The following HTR1F variants were observed in gnomAD, a reference collection of about 807,000 sequenced individuals.
HTR1F encodes the protein 5-hydroxytryptamine receptor 1F, also known as 5-hydroxytryptamine (serotonin) receptor 1F, G protein-coupled.
HTR1F carries 17 observed loss-of-function variants against 24.0 expected under a neutral mutation model. The observed-to-expected ratio is 0.71, with a 90% CI of 0.48 to 1.06. The LOEUF is 1.06. Among genes scored for constraint, HTR1F ranks in the 50% least tolerant of loss-of-function variants. The pLI is 0.00. For missense variants in HTR1F, 391 were observed against 427.8 expected (o/e 0.91, Z 0.76); for synonymous variants, 186 against 156.8 (o/e 1.19, Z -1.39).
chr3:87,910,680 C>T (rs1703759377), intron 2 of HTR1F, among the ~76,000 whole-genome samples: 1 of 152,020 alleles, frequency 6.6e-6, no homozygotes, highest in Admixed American at 6.6e-5. Context: ...TTCTTCCCAT[C>T]ACTATATGGC....
chr3:87,990,656 GA>G (rs1465274474), intron 2 of HTR1F, 51 bp from the exon 3 acceptor site: 3 of 875,932 alleles, frequency 3.4e-6, no homozygotes, highest in Non-Finnish European at 5.3e-6. Flanking sequence ...GAAAGGAAGA[GA>G]AAAGTTCTTG....
At chr3:87,799,473 G>C (rs1183028345) in intron 1 of HTR1F, among the ~76,000 whole-genome samples, 1 of 152,104 alleles carries the variant, frequency 6.6e-6, no homozygotes, top group Non-Finnish European at 1.5e-5. Flanking sequence ...ATGATAAAAA[G>C]AATATAGCAA....
intron 2 of HTR1F, among the ~76,000 whole-genome samples, chr3:87,895,618 G>T (rs1023597035): frequency 3.3e-5 from 5 of 152,098 alleles, no homozygotes; most frequent in Admixed American, 3.3e-4. Context: ...GCAAGTTCAA[G>T]TTATAGTAGA....
chr3:87,858,099 A>G (rs1352680784), intron 2 of HTR1F, among the ~76,000 whole-genome samples: 3 of 152,190 alleles, frequency 2.0e-5, no homozygotes, highest in Non-Finnish European at 4.4e-5. Flanking sequence ...CTAGTCCCAC[A>G]AACTCAGGCC....
chr3:87,951,790 G>A (rs925547186), intron 2 of HTR1F, among the ~76,000 whole-genome samples: 6 of 151,908 alleles, frequency 3.9e-5, no homozygotes, highest in African/African-American at 9.7e-5. Context: ...ATCATACAGA[G>A]TAGTTTCACT....
chr3:87,855,046 C>T (rs1210381016), intron 2 of HTR1F, among the ~76,000 whole-genome samples: 5 of 152,002 alleles, frequency 3.3e-5, no homozygotes, highest in Non-Finnish European at 7.4e-5. Flanking sequence ...CTTCCCCCCA[C>T]TTAGACATGA....
intron 2 of HTR1F, among the ~76,000 whole-genome samples, chr3:87,924,751 T>C (rs1186434897): frequency 6.6e-6 from 1 of 152,114 alleles, no homozygotes; most frequent in Non-Finnish European, 1.5e-5. Flanking sequence ...CTAATGAGGG[T>C]TCCTTCATAC....
At chr3:87,830,738 TAGAG>T (rs1184212324) in intron 2 of HTR1F, among the ~76,000 whole-genome samples, 1 of 152,198 alleles carries the variant, frequency 6.6e-6, no homozygotes, top group African/African-American at 2.4e-5. Context: ...TGTGTAGAAT[TAGAG>T]AGCTCTAACT....
chr3:87,962,624 T>A (rs1281360252), intron 2 of HTR1F, among the ~76,000 whole-genome samples: 2 of 152,066 alleles, frequency 1.3e-5, no homozygotes, highest in Non-Finnish European at 2.9e-5. Context: ...ATTAGCAGGA[T>A]ATGAAGTAAT....
At chr3:87,811,981 C>T in intron 1 of HTR1F, among the ~76,000 whole-genome samples, 1 of 152,110 alleles carries the variant, frequency 6.6e-6, no homozygotes, top group East Asian at 1.9e-4. Flanking sequence ...GCACTCTCAC[C>T]TGCCACCATG....
chr3:87,866,066 TA>T (rs1705420707), intron 2 of HTR1F, among the ~76,000 whole-genome samples: 1 of 152,188 alleles, frequency 6.6e-6, no homozygotes, highest in Non-Finnish European at 1.5e-5. Flanking sequence ...CTAGCCTCCT[TA>T]ACCCAGACAT....
At chr3:87,812,039 G>T (rs1298970989) in intron 1 of HTR1F, among the ~76,000 whole-genome samples, 1 of 152,116 alleles carries the variant, frequency 6.6e-6, no homozygotes, top group Non-Finnish European at 1.5e-5. Flanking sequence ...GTTTCCTGAG[G>T]CCTCCCTAGC....
chr3:87,927,270 T>C (rs575631861), intron 2 of HTR1F, among the ~76,000 whole-genome samples: 20 of 152,306 alleles, frequency 1.3e-4, no homozygotes, highest in African/African-American at 4.8e-4. Context: ...TAGAGAAGAC[T>C]GTGAAAGAAA....
chr3:87,882,736 G>A (rs1705834499), intron 2 of HTR1F, among the ~76,000 whole-genome samples: 1 of 151,110 alleles, frequency 6.6e-6, no homozygotes, highest in South Asian at 2.1e-4. Flanking sequence ...GGATAGCACT[G>A]GGAGATATAC....
chr3:87,931,700 T>G (rs543573523), intron 2 of HTR1F, among the ~76,000 whole-genome samples: 1 of 152,114 alleles, frequency 6.6e-6, no homozygotes, highest in African/African-American at 2.4e-5. Context: ...GCACATCCTC[T>G]CCAGCAGCTG....
chr3:87,971,755 T>C (rs566667980), intron 2 of HTR1F, among the ~76,000 whole-genome samples: 1 of 152,340 alleles, frequency 6.6e-6, no homozygotes, highest in Non-Finnish European at 1.5e-5. Flanking sequence ...TTTACATAAA[T>C]AGTAACCTGC....
chr3:87,981,941 C>CT (rs34393539), intron 2 of HTR1F, among the ~76,000 whole-genome samples: 88,379 of 149,140 alleles, frequency 0.59, 26,194 homozygotes, highest in South Asian at 0.73. Flanking sequence ...CTTCTTCTTT[C>CT]TTTTTTTTTT....
intron 2 of HTR1F, among the ~76,000 whole-genome samples, chr3:87,874,077 A>T (rs1705617000): frequency 6.6e-6 from 1 of 152,134 alleles, no homozygotes; most frequent in Non-Finnish European, 1.5e-5. Flanking sequence ...AGACAAGGAG[A>T]TGTCCACTTT....
At chr3:87,925,060 C>CTTT (rs60994421) in intron 2 of HTR1F, among the ~76,000 whole-genome samples, 62 of 148,512 alleles carry the variant, frequency 4.2e-4, no homozygotes, top group Middle Eastern at 3.4e-3. Flanking sequence ...TTTATTCATT[C>CTTT]TTTTTTTTTT....
Sources: allele counts gnomAD v4.1 joint callset (sites outside exome capture counted in the v4.1 genomes callset), GRCh38; gene constraint gnomAD v4.1.1; transcripts MANE v1.5; gene names NCBI Gene and HGNC (gene_info 2026-07-23, HGNC 2026-07-21).